The following CSMD1 variants were observed in gnomAD, a reference collection of about 807,000 sequenced individuals.
CSMD1 encodes CUB and Sushi multiple domains 1.
In CSMD1, 213 loss-of-function variants were observed where a neutral mutation model predicts 417.5. The observed-to-expected ratio is 0.51, with a 90% CI of 0.46 to 0.57. The LOEUF is 0.57. Ranked by LOEUF, CSMD1 falls within the 20% of genes least tolerant of loss-of-function variation. The pLI, the probability that CSMD1 is intolerant of heterozygous loss-of-function variation, is 0.00. For synonymous variants in CSMD1, 2,862 were observed against 1,736.8 expected (o/e 1.65, Z -16.11); for missense variants, 6,923 against 4,529.7 (o/e 1.53, Z -15.17).
intron 2 of CSMD1, among the ~76,000 whole-genome samples, chr8:4,575,138 A>AT (rs1380964156): frequency 1.3e-5 from 2 of 152,294 alleles, no homozygotes; most frequent in East Asian, 3.9e-4. Flanking sequence ...TTCAATAAAT[A>AT]TTTTTGCAGT....
At chr8:4,105,417 G>C (rs185752317) in intron 3 of CSMD1, among the ~76,000 whole-genome samples, 3 of 152,234 alleles carry the variant, frequency 2.0e-5, no homozygotes, top group African/African-American at 7.2e-5. Flanking sequence ...TTTTAGGAAA[G>C]AGCATGGACA....
intron 4 of CSMD1, among the ~76,000 whole-genome samples, chr8:4,024,369 G>C (rs758627390): frequency 2.6e-4 from 40 of 152,176 alleles, no homozygotes; most frequent in Non-Finnish European, 5.4e-4. Context: ...TGTGGCATAA[G>C]AGTATGGATA....
chr8:3,095,240 C>A (rs1192203376), intron 47 of CSMD1, among the ~76,000 whole-genome samples: 1 of 152,042 alleles, frequency 6.6e-6, no homozygotes, highest in Non-Finnish European at 1.5e-5. Flanking sequence ...TATATATACA[C>A]AAACACAAAC....
chr8:3,343,266 G>T (rs768976488), intron 23 of CSMD1, 28 bp downstream of exon 23: 6 of 1,597,226 alleles, frequency 3.8e-6, no homozygotes, highest in African/African-American at 2.7e-5. Context: ...AATGAAAAAA[G>T]AACGTGATTA....
intron 3 of CSMD1, among the ~76,000 whole-genome samples, chr8:4,109,425 G>A (rs935423135): frequency 6.6e-6 from 1 of 152,134 alleles, no homozygotes; most frequent in African/African-American, 2.4e-5. Context: ...CACGGTGAAA[G>A]TTTCATCTAT....
intron 50 of CSMD1, among the ~76,000 whole-genome samples, chr8:3,030,586 C>T (rs1305226019): frequency 6.6e-6 from 1 of 152,004 alleles, no homozygotes; most frequent in African/African-American, 2.4e-5. Flanking sequence ...AAGCGATTCT[C>T]CTGCCTCAGC....
chr8:3,218,139 A>G (rs898767314), intron 29 of CSMD1, among the ~76,000 whole-genome samples: 2 of 152,228 alleles, frequency 1.3e-5, no homozygotes, highest in Non-Finnish European at 2.9e-5. Flanking sequence ...TAGCAAATCA[A>G]GGGTAAATCA....
chr8:4,872,199 T>C (rs1410913916), intron 1 of CSMD1, among the ~76,000 whole-genome samples: 1 of 152,136 alleles, frequency 6.6e-6, no homozygotes, highest in African/African-American at 2.4e-5. Flanking sequence ...GTGACTCAAG[T>C]AAGGCATAGA....
chr8:4,923,209 A>T (rs546928593), intron 1 of CSMD1, among the ~76,000 whole-genome samples: 1 of 152,200 alleles, frequency 6.6e-6, no homozygotes. Flanking sequence ...ATAGTTACAT[A>T]ATAGTAGACA....
intron 2 of CSMD1, among the ~76,000 whole-genome samples, chr8:4,587,111 A>G (rs1266563262): frequency 6.6e-6 from 1 of 152,178 alleles, no homozygotes; most frequent in African/African-American, 2.4e-5. Context: ...ACAGAGGCCA[A>G]TAGATTAGGT....
In CSMD1 at chr8:4,848,810, C is replaced by T. The variant is rs192865535; in HGVS notation, c.85+145522G>A. ...TCGGCCGTCTCAGCCTTCCAAAGTGCTGGGATTACAGGCGTGAGCCAACGC... is the reference window on the plus strand; with the variant it reads ...TCGGCCGTCTCAGCCTTCCAAAGTGTTGGGATTACAGGCGTGAGCCAACGC... On this transcript the variant is annotated intron_variant, in intron 1 of 69. Coordinates refer to ENST00000635120, the MANE Select transcript of CSMD1 (RefSeq NM_033225.6). 5.8e-4 allele frequency among the ~76,000 whole-genome samples: 89 copies of T among 152,330 alleles called. 4 individuals are homozygous for T. The highest frequency in any genetic ancestry group is 5.4e-3 in the Admixed American group (82 of 15,300).
intron 37 of CSMD1, among the ~76,000 whole-genome samples, chr8:3,165,224 G>A (rs1274150772): frequency 6.6e-6 from 1 of 151,930 alleles, no homozygotes; most frequent in Non-Finnish European, 1.5e-5. Context: ...CCTGGTATGT[G>A]TAAGAATATT....
chr8:3,256,704 A>C (rs61379730), intron 26 of CSMD1, among the ~76,000 whole-genome samples: 4 of 152,170 alleles, frequency 2.6e-5, no homozygotes, highest in Non-Finnish European at 4.4e-5. Context: ...ATGCCTGTCA[A>C]CACCCAGAAA....
intron 2 of CSMD1, among the ~76,000 whole-genome samples, chr8:4,549,386 A>G (rs533591978): frequency 1.3e-5 from 2 of 152,344 alleles, no homozygotes; most frequent in South Asian, 4.1e-4. Flanking sequence ...TAACCTAAAC[A>G]AAACACAGTA....
intron 3 of CSMD1, among the ~76,000 whole-genome samples, chr8:4,063,239 C>T (rs1176506494): frequency 2.0e-5 from 3 of 151,610 alleles, no homozygotes; most frequent in Non-Finnish European, 4.4e-5. Context: ...CAAAATATCA[C>T]ATGTATCCCA....
At chr8:4,579,986 T>C (rs559878524) in intron 2 of CSMD1, among the ~76,000 whole-genome samples, 6 of 152,242 alleles carry the variant, frequency 3.9e-5, no homozygotes, top group Non-Finnish European at 8.8e-5. Context: ...TTTTATTTTC[T>C]TAAATACTAC....
At chr8:4,326,333 C>T (rs1271654502) in intron 3 of CSMD1, among the ~76,000 whole-genome samples, 2 of 152,084 alleles carry the variant, frequency 1.3e-5, no homozygotes, top group African/African-American at 2.4e-5. Flanking sequence ...ACAGGGCTTG[C>T]GATTTCAGAC....
intron 50 of CSMD1, among the ~76,000 whole-genome samples, chr8:3,029,866 C>G (rs1330803665): frequency 6.6e-6 from 1 of 152,006 alleles, no homozygotes; most frequent in Non-Finnish European, 1.5e-5. Flanking sequence ...TAATTTCCCT[C>G]AATATCCTTG....
intron 1 of CSMD1, among the ~76,000 whole-genome samples, chr8:4,797,470 G>A (rs1285206025): frequency 2.6e-5 from 4 of 152,120 alleles, no homozygotes; most frequent in Non-Finnish European, 5.9e-5. Context: ...TTTTTATTAT[G>A]TTGGCGCAAA....
Sources: allele counts gnomAD v4.1 joint callset (sites outside exome capture counted in the v4.1 genomes callset), GRCh38; gene constraint gnomAD v4.1.1; transcripts MANE v1.5; gene names NCBI Gene and HGNC (gene_info 2026-07-23, HGNC 2026-07-21).